The following NFIB variants were observed in gnomAD, a reference collection of about 807,000 sequenced individuals.
The protein encoded by NFIB is nuclear factor 1 B-type.
A neutral mutation model predicts 61.5 loss-of-function variants in NFIB; 11 were observed. The observed-to-expected ratio is 0.18, with a 90% confidence interval of 0.11 to 0.30. NFIB has a LOEUF of 0.30. NFIB is among the 10% of genes least tolerant of loss of function. The pLI is 1.00. For missense variants in NFIB, 471 were observed against 608.9 expected (o/e 0.77, Z 2.38); for synonymous variants, 260 against 216.5 (o/e 1.20, Z -1.76).
At chr9:14,185,175 G>A (rs946927811) in intron 2 of NFIB, among the ~76,000 whole-genome samples, 2 of 152,076 alleles carry the variant, frequency 1.3e-5, no homozygotes, top group Non-Finnish European at 2.9e-5. Context: ...ATCAAGAGGG[G>A]ACAGATGATT....
At position 14,313,476 on chromosome 9, in the gene NFIB, A is replaced by T; in HGVS notation, c.30+6T>A. 1.9e-6 allele frequency: 3 copies of T among 1,614,018 alleles called. No individual in the cohort carries two copies. Among genetic ancestry groups the T allele is most frequent in the Non-Finnish European group, 2.5e-6 (3 of 1,179,926 alleles). On this transcript the variant is annotated splice_donor_region_variant and intron_variant, in intron 1 of 10. Transcript: ENST00000380953. The surrounding 1 kb of genome is among the most constrained non-coding windows in gnomAD (Gnocchi z 4.5). ...GAAAGCTCGAGAAAGCGACCGAGAC[A>T]TGTACCTGAGTGAGACAGATGGGAG...
At chr9:14,114,808 T>C (rs1251491861) in intron 9 of NFIB, among the ~76,000 whole-genome samples, 1 of 152,190 alleles carries the variant, frequency 6.6e-6, no homozygotes, top group Admixed American at 6.5e-5. Context: ...ATTTATCCTG[T>C]GATAATCTTT....
chr9:14,424,484 A>G, the NFIB span, among the ~76,000 whole-genome samples: 1 of 152,256 alleles, frequency 6.6e-6, no homozygotes, highest in Non-Finnish European at 1.5e-5. Flanking sequence ...CCCTAAACTT[A>G]TTCGAGCTTG....
Position 14,134,913 on chromosome 9 carries a change from A to AAAAAAAAAAAAAAAAAG in NFIB, c.926-9148_926-9147insCTTTTTTTTTTTTTTTT, listed in dbSNP as rs1011872669. On this transcript the variant is annotated intron_variant, in intron 6 of 10. Coordinates refer to ENST00000380953, the MANE Select transcript of NFIB (RefSeq NM_001190737.2). ...ACTCTGTCTCAAAAAAAAAAAAAAA[A>AAAAAAAAAAAAAAAAAG]AAAAAAAGGAAATTGAAGGATATGG... 4.5e-5 allele frequency among the ~76,000 whole-genome samples: 6 copies of AAAAAAAAAAAAAAAAAG among 133,320 alleles called. 1 individual carries two copies. The highest frequency in any genetic ancestry group is 9.8e-5 in the Non-Finnish European group (6 of 61,300). 87.5% of individuals were successfully genotyped at this position (133,320 alleles called of 152,430 possible).
At chr9:14,290,134 C>T (rs558946483) in intron 2 of NFIB, among the ~76,000 whole-genome samples, 37 of 152,138 alleles carry the variant, frequency 2.4e-4, no homozygotes, top group African/African-American at 8.9e-4. Flanking sequence ...TCTTTGTACT[C>T]TAGGGAAGGT....
At chr9:14,131,374 T>G (rs1412259032) in intron 6 of NFIB, among the ~76,000 whole-genome samples, 1 of 152,226 alleles carries the variant, frequency 6.6e-6, no homozygotes, top group African/African-American at 2.4e-5. Flanking sequence ...TTTTTGGCAC[T>G]GTAACATATA....
At chr9:14,507,319 T>G in the NFIB span, among the ~76,000 whole-genome samples, 1 of 152,260 alleles carries the variant, frequency 6.6e-6, no homozygotes, top group Admixed American at 6.5e-5. Context: ...TATTTTTGCA[T>G]AAGTGGAGCT....
the NFIB span, among the ~76,000 whole-genome samples, chr9:14,510,998 G>A: frequency 6.6e-6 from 1 of 152,074 alleles, no homozygotes; most frequent in Non-Finnish European, 1.5e-5. Flanking sequence ...CCAAATTTGT[G>A]TCCCACATTA....
At chr9:14,106,213 G>A (rs2036530916) in intron 10 of NFIB, among the ~76,000 whole-genome samples, 1 of 151,946 alleles carries the variant, frequency 6.6e-6, no homozygotes, top group Non-Finnish European at 1.5e-5. Flanking sequence ...TGTGGAGGTG[G>A]GGAACAATTC....
At chr9:14,494,919 A>G in the NFIB span, among the ~76,000 whole-genome samples, 3 of 152,176 alleles carry the variant, frequency 2.0e-5, no homozygotes, top group East Asian at 5.8e-4. Flanking sequence ...AATCGTCACA[A>G]CTGCAATACT....
the NFIB span, among the ~76,000 whole-genome samples, chr9:14,410,976 A>G: frequency 5.9e-5 from 9 of 152,334 alleles, no homozygotes; most frequent in South Asian, 1.7e-3. Context: ...AAAGGTCAGT[A>G]TATTTTCCCT....
chr9:14,332,802 G>T (rs2060838258), intron 1 of NFIB, among the ~76,000 whole-genome samples: 2 of 152,194 alleles, frequency 1.3e-5, no homozygotes. Context: ...GAGAGAGACG[G>T]ATGGGGAGTG....
intron 2 of NFIB, among the ~76,000 whole-genome samples, chr9:14,247,781 G>A (rs962766709): frequency 6.6e-6 from 1 of 152,146 alleles, no homozygotes; most frequent in African/African-American, 2.4e-5. Flanking sequence ...TGGGTACTCT[G>A]CATGCTTTGA....
the NFIB span, among the ~76,000 whole-genome samples, chr9:14,436,922 C>T: frequency 6.6e-6 from 1 of 150,634 alleles, no homozygotes; most frequent in East Asian, 1.9e-4. Flanking sequence ...TGAGCTGGCA[C>T]CCCGGAAGGA....
chr9:14,134,768 G>C (rs2040811695), intron 6 of NFIB, among the ~76,000 whole-genome samples: 1 of 151,820 alleles, frequency 6.6e-6, no homozygotes, highest in African/African-American at 2.4e-5. Flanking sequence ...ATGGTGGCGT[G>C]CATCTGTAAT....
intron 2 of NFIB, among the ~76,000 whole-genome samples, chr9:14,288,907 T>C (rs1237130913): frequency 6.6e-6 from 1 of 151,952 alleles, no homozygotes; most frequent in Admixed American, 6.6e-5. Flanking sequence ...TTAGTTCAAA[T>C]GTTCTATATT....
chr9:14,179,828 G>T, intron 2 of NFIB, 48 bp from the exon 3 acceptor site: 2 of 1,592,770 alleles, frequency 1.3e-6, no homozygotes, highest in South Asian at 1.1e-5. Context: ...TGTTTTGAAA[G>T]AATTTCACAA....
intron 10 of NFIB, among the ~76,000 whole-genome samples, chr9:14,091,488 C>T (rs1200021103): frequency 6.6e-6 from 1 of 151,906 alleles, no homozygotes; most frequent in African/African-American, 2.4e-5. Flanking sequence ...ATGTAAAATG[C>T]TTAATAGTTT....
At chr9:14,217,310 C>G (rs192274796) in intron 2 of NFIB, among the ~76,000 whole-genome samples, 100 of 152,196 alleles carry the variant, frequency 6.6e-4, no homozygotes, top group Non-Finnish European at 1.8e-4. Context: ...CAAGAGCAAC[C>G]AAAAGATAAG....
Sources: allele counts gnomAD v4.1 joint callset (sites outside exome capture counted in the v4.1 genomes callset), GRCh38; gene constraint gnomAD v4.1.1; non-coding constraint Gnocchi (gnomAD v3.1); transcripts MANE v1.5; gene names NCBI Gene and HGNC (gene_info 2026-07-23, HGNC 2026-07-21).